SPTLC1: variants seen among roughly 807,000 people sequenced by gnomAD.
SPTLC1 encodes the protein serine palmitoyltransferase 1.
A neutral mutation model predicts 68.9 loss-of-function variants in SPTLC1; 55 were observed. The ratio of observed to expected loss-of-function variants is 0.80; its 90% confidence interval spans 0.64 to 1.00. The LOEUF (loss-of-function observed/expected upper bound fraction) is 1.00. Ranked by LOEUF, SPTLC1 falls within the 50% of genes least tolerant of loss-of-function variation. The pLI, the probability that SPTLC1 is intolerant of heterozygous loss-of-function variation, is 0.00. For synonymous variants in SPTLC1, 197 were observed against 201.6 expected (o/e 0.98, Z 0.19); for missense variants, 449 against 573.1 (o/e 0.78, Z 2.21).
intron 14 of SPTLC1, among the ~76,000 whole-genome samples, chr9:92,033,694 C>A (rs1379217652): frequency 3.9e-5 from 6 of 152,116 alleles, no homozygotes; most frequent in Non-Finnish European, 8.8e-5. Flanking sequence ...TAGCTGGGAC[C>A]ACAGGCGTGC....
intron 8 of SPTLC1, chr9:92,051,194 G>T (rs949822842): frequency 1.0e-6 from 1 of 980,518 alleles, no homozygotes; most frequent in East Asian, 1.1e-4. Context: ...AATATATTTA[G>T]ATTTCCTCAG....
intron 1 of SPTLC1, 89 bp downstream of exon 1, chr9:92,115,225 C>T: frequency 7.4e-7 from 1 of 1,343,280 alleles, no homozygotes; most frequent in Non-Finnish European, 1.1e-6. Context: ...GCCAGTCCCG[C>T]CGAGGTCTCA....
intron 12 of SPTLC1, 43 bp downstream of exon 12, chr9:92,045,956 G>A: frequency 2.6e-6 from 4 of 1,544,464 alleles, no homozygotes; most frequent in Non-Finnish European, 3.6e-6. Context: ...GTTAAGTGTG[G>A]TGCAGATAAA....
intron 5 of SPTLC1, 39 bp from the exon 6 acceptor site, chr9:92,068,137 A>G: frequency 6.3e-7 from 1 of 1,595,300 alleles, no homozygotes; most frequent in African/African-American, 1.3e-5. Context: ...AAACTGCCTT[A>G]TAATTCTTTT....
At chr9:92,111,546 G>A (rs1836243955) in intron 2 of SPTLC1, 1 of 152,110 alleles carries the variant, frequency 6.6e-6, no homozygotes, top group African/African-American at 2.4e-5. Flanking sequence ...CAGTAGTTAG[G>A]AGGCTACGGT....
At chr9:92,038,585 T>C in intron 12 of SPTLC1, 2 of 566,228 alleles carry the variant, frequency 3.5e-6, no homozygotes, top group Admixed American at 2.5e-5. Context: ...TGTGGCTTCC[T>C]GAGTGCAGGA....
chr9:92,073,098 G>T (rs1834556272), intron 5 of SPTLC1, among the ~76,000 whole-genome samples: 1 of 151,942 alleles, frequency 6.6e-6, no homozygotes, highest in South Asian at 2.1e-4. Flanking sequence ...CGACCCCCAT[G>T]CCCCTGCCCA....
chr9:92,059,149 A>C, intron 7 of SPTLC1, 30 bp downstream of exon 7: 1 of 1,610,366 alleles, frequency 6.2e-7, no homozygotes, highest in Non-Finnish European at 8.5e-7. Flanking sequence ...GTACAAAAGA[A>C]CTGTATAATT....
chr9:92,054,647 G>T (rs188487434), intron 8 of SPTLC1, among the ~76,000 whole-genome samples: 1 of 152,298 alleles, frequency 6.6e-6, no homozygotes, highest in Non-Finnish European at 1.5e-5. Flanking sequence ...CGACTCAGTG[G>T]CTCATGCCTG....
At chr9:92,038,860 G>A (rs956846035) in intron 12 of SPTLC1, among the ~76,000 whole-genome samples, 27 of 152,204 alleles carry the variant, frequency 1.8e-4, no homozygotes, top group African/African-American at 6.0e-4. Context: ...ACTCACTACA[G>A]TTTATGTTAT....
chr9:92,115,022 G>C, intron 1 of SPTLC1: 1 of 518,230 alleles, frequency 1.9e-6, no homozygotes, highest in South Asian at 2.1e-5. Flanking sequence ...TCTGGTTTTT[G>C]CAGACCTGTC....
chr9:92,098,121 C>T (rs1158568767), intron 3 of SPTLC1, among the ~76,000 whole-genome samples: 1 of 152,186 alleles, frequency 6.6e-6, no homozygotes, highest in Non-Finnish European at 1.5e-5. Flanking sequence ...CCCGCCATCT[C>T]GGCAGCCATC....
rs776829771 is a variant in SPTLC1 at position 92,068,099 on chromosome 9, C to A, written c.428-1G>T. ...CGGTCTTCCAAATCCAAATGAACAT[C>A]TATTTCAGTTAAAAAAGTTAAATGG... On this transcript the variant is annotated splice_acceptor_variant, in intron 5 of 14. Coordinates refer to ENST00000262554, the MANE Select transcript of SPTLC1 (RefSeq NM_006415.4). LOFTEE classifies it high-confidence loss of function. 4 of 1,613,586 alleles carry A rather than the reference C, an allele frequency of 2.5e-6. No homozygotes were observed. The East Asian group carries it at 8.9e-5, about 36-fold the overall frequency.
chr9:92,104,499 C>T (rs573935209), intron 3 of SPTLC1: 109 of 1,410,614 alleles, frequency 7.7e-5, no homozygotes, highest in Non-Finnish European at 7.2e-5. Flanking sequence ...GGAGCCCCCC[C>T]CTCAAGGAAG....
intron 5 of SPTLC1, among the ~76,000 whole-genome samples, chr9:92,071,957 CCCT>C (rs1834508560): frequency 6.6e-6 from 1 of 152,158 alleles, no homozygotes; most frequent in Non-Finnish European, 1.5e-5. Flanking sequence ...AAAATCCAGC[CCCT>C]AACTGTAACT....
chr9:92,046,293 G>A (rs1833512357), intron 11 of SPTLC1: 1 of 557,578 alleles, frequency 1.8e-6, no homozygotes, highest in South Asian at 2.2e-5. Flanking sequence ...ATGCTTTCAA[G>A]AACAATCAAT....
At chr9:92,099,237 G>T (rs1835655566) in intron 3 of SPTLC1, among the ~76,000 whole-genome samples, 1 of 152,154 alleles carries the variant, frequency 6.6e-6, no homozygotes, top group Non-Finnish European at 1.5e-5. Context: ...CACAGCCCAA[G>T]GTCTGCACCA....
Position 92,079,286 on chromosome 9 carries a change from G to A in SPTLC1, c.427+730C>T, listed in dbSNP as rs1312222293. On this transcript the variant is annotated intron_variant, in intron 5 of 14. Coordinates refer to ENST00000262554, the MANE Select transcript of SPTLC1 (RefSeq NM_006415.4). The stretch of plus-strand genomic sequence containing the variant: ...AGACGAGGTTTCAGCATGTTGGCCA[G>A]GCTGGTTTTGAACTCCTGACCTCAG... 6.2e-6 allele frequency: 5 copies of A among 802,852 alleles called. No homozygotes were observed. In the Admixed American group the frequency reaches 1.7e-4, roughly 27 times the overall value. The allele number at this position is 802,852 out of a possible 1,614,324, so 49.7% of individuals were successfully genotyped here. A position where few individuals can be genotyped will look rare whatever the true frequency, so the allele number is the denominator to read the frequency against.
At chr9:92,038,967 T>TAAAACA (rs762852344) in intron 12 of SPTLC1, among the ~76,000 whole-genome samples, 1 of 152,104 alleles carries the variant, frequency 6.6e-6, no homozygotes, top group Non-Finnish European at 1.5e-5. Context: ...TCTCTACAAA[T>TAAAACA]AAAACAAAAA....
Sources: allele counts gnomAD v4.1 joint callset (sites outside exome capture counted in the v4.1 genomes callset), GRCh38; gene constraint gnomAD v4.1.1; transcripts MANE v1.5; gene names NCBI Gene and HGNC (gene_info 2026-07-23, HGNC 2026-07-21).